MYO16: variants seen among roughly 807,000 people sequenced by gnomAD.
MYO16 encodes unconventional myosin-XVI.
In MYO16, 94 loss-of-function variants were observed where a neutral mutation model predicts 205.3. The ratio of observed to expected loss-of-function variants is 0.46; its 90% CI spans 0.39 to 0.54. The LOEUF (loss-of-function observed/expected upper bound fraction) is 0.54. Among genes scored for constraint, MYO16 ranks in the 20% least tolerant of loss-of-function variants. The pLI, the probability that MYO16 is intolerant of heterozygous loss-of-function variation, is 0.00. For missense variants in MYO16, 2,315 were observed against 2,387.5 expected, an observed-to-expected ratio of 0.97 and a Z score of 0.63; for synonymous variants, 988 against 954.0, an observed-to-expected ratio of 1.04 and a Z score of -0.66.
chr13:109,150,644 A>G (rs1249033337), intron 32 of MYO16, among the ~76,000 whole-genome samples: 1 of 152,222 alleles, frequency 6.6e-6, no homozygotes, highest in African/African-American at 2.4e-5. Context: ...AGCCTTTACA[A>G]CCGGGATGCT....
chr13:108,674,009 C>T (rs1034415731), intron 2 of MYO16, among the ~76,000 whole-genome samples: 3 of 152,078 alleles, frequency 2.0e-5, no homozygotes, highest in South Asian at 2.1e-4. Flanking sequence ...CAACTGTCTG[C>T]GTGTCATTCA....
intron 21 of MYO16, among the ~76,000 whole-genome samples, chr13:108,992,978 C>T (rs1453942720): frequency 6.6e-6 from 1 of 152,056 alleles, no homozygotes; most frequent in Non-Finnish European, 1.5e-5. Context: ...ATCTTAATAG[C>T]ACTGCATGAA....
chr13:109,140,137 A>G lies in MYO16; in HGVS notation c.4052-127A>G. 1.4e-5 allele frequency: 21 copies of G among 1,452,364 alleles called. No homozygotes were observed. Among genetic ancestry groups the G allele is most frequent in the Non-Finnish European group, 1.7e-5 (19 of 1,109,346 alleles). 90.0% of individuals were successfully genotyped at this position (1,452,364 alleles called of 1,614,324 possible). On this transcript the variant is annotated intron_variant, in intron 31 of 34. Coordinates refer to ENST00000457511, the MANE Select transcript of MYO16 (RefSeq NM_001198950.3). The surrounding 1 kb of genome is among the most constrained non-coding windows in gnomAD (Gnocchi z 8.0). ...CAGGGAGCCTAGTGGGTGGAGGAAC[A>G]TGCAGGCCCGGTCCCTTGGGATTCT...
At chr13:109,188,566 T>C (rs1879781602) in intron 34 of MYO16, among the ~76,000 whole-genome samples, 1 of 152,146 alleles carries the variant, frequency 6.6e-6, no homozygotes, top group African/African-American at 2.4e-5. Context: ...GATGAATATA[T>C]AAAGGGGAGT....
intron 16 of MYO16, among the ~76,000 whole-genome samples, chr13:108,947,688 C>T (rs9587727): frequency 2.0e-5 from 3 of 152,170 alleles, no homozygotes; most frequent in East Asian, 1.9e-4. Context: ...GTCTCCACCC[C>T]CCGGCTCTCC....
At chr13:109,147,840 TTCC>T (rs1877422958) in intron 32 of MYO16, among the ~76,000 whole-genome samples, 1 of 152,158 alleles carries the variant, frequency 6.6e-6, no homozygotes, top group Non-Finnish European at 1.5e-5. Context: ...ATGCATAATT[TTCC>T]TCATTTTCCA....
the MYO16 span, among the ~76,000 whole-genome samples, chr13:108,559,093 T>C: frequency 6.6e-6 from 1 of 152,072 alleles, no homozygotes; most frequent in Admixed American, 6.5e-5. Flanking sequence ...CCTGTGAATG[T>C]GACTTTATTT....
chr13:108,998,095 A>G (rs1594457264), intron 21 of MYO16, among the ~76,000 whole-genome samples: 1 of 152,350 alleles, frequency 6.6e-6, no homozygotes, highest in African/African-American at 2.4e-5. Flanking sequence ...ACCTCAAGAA[A>G]TATTTTAATG....
At chr13:108,498,843 T>A in the MYO16 span, among the ~76,000 whole-genome samples, 1 of 152,256 alleles carries the variant, frequency 6.6e-6, no homozygotes, top group African/African-American at 2.4e-5. Context: ...TCTCATTTGA[T>A]CCTCACAAGT....
Position 109,205,833 on chromosome 13 carries a change from C to A in MYO16, c.5416-776C>A, listed in dbSNP as rs182579447. Among the ~76,000 whole-genome samples, 245 of 152,286 alleles carry A rather than the reference C, an allele frequency of 1.6e-3. No individual in the cohort carries two copies. In the Middle Eastern group the frequency reaches 0.017, roughly 11 times the overall value. ...ATGTTTTGATGCTTTCCTGCAAAGG[C>A]CCATAATGTTCCCATCTTTGAGGGC... On this transcript the variant is annotated intron_variant, in intron 34 of 34. Transcript: ENST00000457511.
chr13:108,990,306 A>C (rs901552026), intron 20 of MYO16, among the ~76,000 whole-genome samples: 2 of 152,180 alleles, frequency 1.3e-5, no homozygotes, highest in African/African-American at 4.8e-5. Flanking sequence ...GGATGCATGG[A>C]TGCTGGATGG....
chr13:108,528,861 T>C, the MYO16 span, among the ~76,000 whole-genome samples: 1 of 150,130 alleles, frequency 6.7e-6, no homozygotes, highest in African/African-American at 2.5e-5. Flanking sequence ...AAACTGACAA[T>C]AACTTAAGCA....
intron 9 of MYO16, among the ~76,000 whole-genome samples, chr13:108,825,578 AAAAT>A (rs148579255): frequency 2.7e-5 from 4 of 148,874 alleles, no homozygotes; most frequent in African/African-American, 9.8e-5. Flanking sequence ...ACCTAGCAAG[AAAAT>A]AAATAAATAA....
chr13:109,077,589 G>A (rs1056587278), intron 27 of MYO16, among the ~76,000 whole-genome samples: 2 of 152,166 alleles, frequency 1.3e-5, no homozygotes, highest in Non-Finnish European at 1.5e-5. Flanking sequence ...AGGCATTTTA[G>A]GTCAACATAT....
intron 14 of MYO16, among the ~76,000 whole-genome samples, chr13:108,892,565 G>T (rs1215478369): frequency 6.6e-6 from 1 of 152,138 alleles, no homozygotes; most frequent in African/African-American, 2.4e-5. Flanking sequence ...AATATTGAGA[G>T]TCAATTTGGG....
At chr13:108,627,969 G>A (rs1221942687), upstream of MYO16, among the ~76,000 whole-genome samples, 8 of 152,122 alleles carry the variant, frequency 5.3e-5, no homozygotes, top group South Asian at 2.1e-4. Context: ...AACCTTACCC[G>A]AAGATACATT....
At chr13:108,719,593 G>T (rs1314905523) in intron 3 of MYO16, among the ~76,000 whole-genome samples, 2 of 152,040 alleles carry the variant, frequency 1.3e-5, no homozygotes, top group Admixed American at 6.6e-5. Flanking sequence ...ACAGCACTGG[G>T]GGCATAGTAG....
intron 27 of MYO16, among the ~76,000 whole-genome samples, chr13:109,088,925 C>G (rs1888531837): frequency 6.6e-6 from 1 of 152,186 alleles, no homozygotes; most frequent in African/African-American, 2.4e-5. Flanking sequence ...CTTTCCCTTC[C>G]TCTGGGTTTC....
intron 4 of MYO16, among the ~76,000 whole-genome samples, chr13:108,730,405 G>A (rs1009954903): frequency 1.2e-4 from 18 of 152,180 alleles, no homozygotes; most frequent in African/African-American, 3.9e-4. Context: ...TTTCTTCATA[G>A]CAGCGTGAGA....
Sources: gnomAD v4.1 joint callset for allele counts (sites outside exome capture counted in the v4.1 genomes callset) on GRCh38, gnomAD v4.1.1 for gene constraint, Gnocchi (gnomAD v3.1) non-coding constraint, MANE v1.5 for transcripts, NCBI Gene and HGNC (gene_info 2026-07-23, HGNC 2026-07-21) for gene names.